CDH3: variants seen among roughly 807,000 people sequenced by gnomAD.
CDH3 encodes cadherin-3.
A neutral mutation model predicts 82.0 loss-of-function variants in CDH3; 54 were observed. That is an observed-to-expected ratio of 0.66 (90% CI 0.53 to 0.83). The LOEUF (loss-of-function observed/expected upper bound fraction) is 0.83, where lower values mean the gene tolerates loss of function less well. Ranked by LOEUF, CDH3 falls within the 40% of genes least tolerant of loss-of-function variation. The pLI, the probability that CDH3 is intolerant of heterozygous loss-of-function variation, is 0.00. For missense variants in CDH3, 1,054 were observed against 1,084.6 expected (o/e 0.97, Z 0.40); for synonymous variants, 446 against 437.9 (o/e 1.02, Z -0.23).
chr16:68,676,719 C>A (rs1961044668), intron 3 of CDH3, among the ~76,000 whole-genome samples: 1 of 152,186 alleles, frequency 6.6e-6, no homozygotes, highest in African/African-American at 2.4e-5. Flanking sequence ...TGTGAGTAAT[C>A]ACCCACTGTA....
intron 1 of CDH3, among the ~76,000 whole-genome samples, chr16:68,712,697 T>C (rs1962045735): frequency 6.6e-6 from 1 of 152,008 alleles, no homozygotes; most frequent in Admixed American, 6.6e-5. Context: ...CCTTTTTTTT[T>C]TTGAGATGGC....
chr16:68,683,569 G>A (rs544682857), intron 9 of CDH3, among the ~76,000 whole-genome samples: 31 of 143,818 alleles, frequency 2.2e-4, no homozygotes, highest in African/African-American at 7.8e-4. Context: ...GGAGAATGGC[G>A]TGAACCCGGG....
In CDH3 at chr16:68,687,628, C is replaced by G; in HGVS notation, c.1687C>G (p.Gln563Glu). 6.2e-7 allele frequency: 1 copy of G among 1,614,164 alleles called. No homozygotes were observed. Among genetic ancestry groups the G allele is most frequent in the Non-Finnish European group, 8.5e-7 (1 of 1,180,000 alleles). The change falls in exon 12 of 16, where the codon CAG becomes GAG. Residue 563 changes from glutamine (Q) to glutamate (E), a missense_variant. Transcript: ENST00000264012. Reference sequence around the variant, plus strand: ...CATCTGCAACCAAAGCCCTGTGCGCCAGGTGCTGAACATCACGGACAAGGA... The same window carrying G: ...CATCTGCAACCAAAGCCCTGTGCGCGAGGTGCTGAACATCACGGACAAGGA... ...ITICNQSPVR[Q>E]VLNITDKDLS...
downstream of CDH3, among the ~76,000 whole-genome samples, chr16:68,732,105 T>A (rs922298393): frequency 6.6e-6 from 1 of 151,968 alleles, no homozygotes; most frequent in African/African-American, 2.4e-5. Context: ...TAGCACCGTT[T>A]CAACTGGAGG....
At chr16:68,718,580 GC>G (rs1238205293) in intron 1 of CDH3, among the ~76,000 whole-genome samples, 2 of 152,086 alleles carry the variant, frequency 1.3e-5, no homozygotes, top group African/African-American at 4.8e-5. Flanking sequence ...TACTCGGGAG[GC>G]TGAGACAACA....
At chr16:68,652,615 T>G (rs1180419786) in intron 2 of CDH3, among the ~76,000 whole-genome samples, 1 of 152,178 alleles carries the variant, frequency 6.6e-6, no homozygotes, top group Non-Finnish European at 1.5e-5. Flanking sequence ...GCCGAAATGA[T>G]GAGTGTGCAG....
rs1232873202 is a variant in CDH3, at chr16:68,681,042, A to T, written c.942A>T (p.Ala314=). ...ACGGCTCCACCACCACGGCAGTGGC[A>T]GTAGTGGAGATCCTTGATGCCAATG... ...DGDGSTTTAV[A]VVEILDANDN... The change falls in exon 8 of 16, where the codon GCA becomes GCT. Residue 314 remains alanine (A), a synonymous_variant. Transcript: ENST00000264012. 6.2e-7 allele frequency: 1 copy of T among 1,613,662 alleles called. No individual in the cohort carries two copies. The highest frequency in any genetic ancestry group is 8.5e-7 in the Non-Finnish European group (1 of 1,179,732).
intron 2 of CDH3, among the ~76,000 whole-genome samples, chr16:68,675,516 G>T (rs1339757024): frequency 1.3e-5 from 2 of 152,188 alleles, no homozygotes; most frequent in African/African-American, 4.8e-5. Flanking sequence ...TGGAAAGGCG[G>T]CTGGGCGCGG....
intron 10 of CDH3, among the ~76,000 whole-genome samples, 181 bp from the exon 11 acceptor site, chr16:68,685,024 A>G (rs1961364580): frequency 1.3e-5 from 2 of 152,102 alleles, no homozygotes; most frequent in Non-Finnish European, 2.9e-5. Flanking sequence ...TCTGTCATGT[A>G]TCCCTCCTGG....
At position 68,707,324 on chromosome 16, in the gene CDH3, C is replaced by T. The variant is rs1961977327; in HGVS notation, c.99+11401C>T. On this transcript the variant is annotated intron_variant, in intron 1 of 2. Transcript: ENST00000569080. The surrounding 1 kb of genome is among the most constrained non-coding windows in gnomAD (Gnocchi z 4.5). ...GCCCAGTCCTGGGTGTCCTCCTTCA[C>T]GCCTGGGCTGGAGGCTGAGTTCAGG... Among the ~76,000 whole-genome samples the T allele has an allele frequency of 6.6e-6, 1 of 152,198 alleles. No individual in the cohort carries two copies. The highest frequency in any genetic ancestry group is 1.5e-5 in the Non-Finnish European group (1 of 68,034).
chr16:68,710,935 GGAGGGGAGGGGAGGA>G (rs1467858075), intron 1 of CDH3, among the ~76,000 whole-genome samples: 12 of 129,452 alleles, frequency 9.3e-5, no homozygotes, highest in Admixed American at 4.7e-4. Context: ...AGGAGAGAAG[GGAGGGGAGGGGAGGA>G]GAGGGGAGGG....
Position 68,685,346 on chromosome 16 carries a change from CA to C in CDH3, c.1568del (p.Asn523MetfsTer14). 6.2e-7 allele frequency: 1 copy of C among 1,613,982 alleles called. No homozygotes were observed. ...ATGAAGTCATGGTCTTGGCCATGGA[CA>C]ATGGTGAGAGCATCCTCCCAGCCCT... Reference protein sequence around the residue: ...IYEVMVLAMDNGSPPTTGTGT... With the variant: ...IYEVMVLAMDXGSPPTTGTGT... On this transcript the variant is annotated frameshift_variant, in exon 11 of 16. Coordinates refer to ENST00000264012, the MANE Select transcript of CDH3 (RefSeq NM_001793.6). LOFTEE classifies it high-confidence loss of function.
chr16:68,674,884 G>A (rs184805273), intron 2 of CDH3, among the ~76,000 whole-genome samples: 4 of 152,248 alleles, frequency 2.6e-5, no homozygotes, highest in Admixed American at 1.3e-4. Context: ...GGAGGCCGAG[G>A]CGGTCAGATC....
At chr16:68,691,195 G>T (rs993608799) in intron 12 of CDH3, among the ~76,000 whole-genome samples, 1 of 151,782 alleles carries the variant, frequency 6.6e-6, no homozygotes, top group Non-Finnish European at 1.5e-5. Flanking sequence ...TAGTAGAGAC[G>T]GGTTTTCACC....
intron 9 of CDH3, among the ~76,000 whole-genome samples, chr16:68,683,515 G>A (rs969201760): frequency 2.6e-5 from 4 of 151,784 alleles, no homozygotes; most frequent in Non-Finnish European, 4.4e-5. Context: ...AGCTGGGCGT[G>A]GTGGCAGGCG....
chr16:68,670,844 G>T (rs370057855), intron 2 of CDH3, among the ~76,000 whole-genome samples: 2 of 152,116 alleles, frequency 1.3e-5, no homozygotes, highest in African/African-American at 4.8e-5. Context: ...AGGCCAAAGC[G>T]GGTGGATCGC....
rs1961816129 is a variant in CDH3, at chr16:68,698,478, G to A, written c.*78G>A. On this transcript the variant is annotated 3_prime_UTR_variant, in exon 16 of 16. Transcript: ENST00000264012. ...AGGGGTCTCAGTTCCCCCTTCAGCT[G>A]AGGACTTCGGAGCTTGTCAGGAAGT... The A allele has an allele frequency of 7.6e-7, 1 of 1,313,702 alleles. No individual in the cohort carries two copies. The highest frequency in any genetic ancestry group is 1.4e-5 in the African/African-American group (1 of 69,048). The allele number at this position is 1,313,702 out of a possible 1,614,324, so 81.4% of individuals were successfully genotyped here.
chr16:68,664,403 A>G (rs1200167951), intron 2 of CDH3, among the ~76,000 whole-genome samples: 1 of 152,182 alleles, frequency 6.6e-6, no homozygotes, highest in African/African-American at 2.4e-5. Context: ...TGAGAAATAA[A>G]TGAGAGAATC....
At chr16:68,685,101 T>C in intron 10 of CDH3, 104 bp from the exon 11 acceptor site, 1 of 1,374,680 alleles carries the variant, frequency 7.3e-7, no homozygotes, top group South Asian at 1.2e-5. Flanking sequence ...TGATCCTGCT[T>C]AGGAGCCCAG....
Sources: allele counts gnomAD v4.1 joint callset (sites outside exome capture counted in the v4.1 genomes callset), GRCh38; gene constraint gnomAD v4.1.1; non-coding constraint Gnocchi (gnomAD v3.1); transcripts MANE v1.5; gene names NCBI Gene and HGNC (gene_info 2026-07-23, HGNC 2026-07-21).